Variants in MAGI1 observed in about 807,000 individuals in gnomAD.
The protein encoded by MAGI1 is membrane-associated guanylate kinase, WW and PDZ domain-containing protein 1.
Under a neutral mutation model 139.9 loss-of-function variants are expected in MAGI1, and 58 were observed. That is an observed-to-expected ratio of 0.41 (90% CI 0.34 to 0.52). MAGI1 has a LOEUF of 0.52. Among genes scored for constraint, MAGI1 ranks in the 20% least tolerant of loss-of-function variants. The pLI is 0.12. For missense variants in MAGI1, 1,874 were observed against 1,901.6 expected, an observed-to-expected ratio of 0.99 and a Z score of 0.27; for synonymous variants, 812 against 737.9, an observed-to-expected ratio of 1.10 and a Z score of -1.63.
chr3:65,446,690 T>C (rs1438910203), intron 7 of MAGI1, among the ~76,000 whole-genome samples: 1 of 152,234 alleles, frequency 6.6e-6, no homozygotes, highest in East Asian at 1.9e-4. Context: ...AACCTATTTC[T>C]GTCTCTTTCA....
At chr3:65,468,354 C>CA (rs1345081894) in intron 5 of MAGI1, among the ~76,000 whole-genome samples, 2 of 144,306 alleles carry the variant, frequency 1.4e-5, no homozygotes, top group Non-Finnish European at 3.0e-5. Context: ...GGTAGATTCT[C>CA]AAAGAGGGTA....
chr3:65,592,959 TG>T (rs532046248), intron 2 of MAGI1, among the ~76,000 whole-genome samples: 61 of 152,262 alleles, frequency 4.0e-4, no homozygotes, highest in Non-Finnish European at 6.5e-4. Flanking sequence ...TTTTATATTT[TG>T]TTGATGGGGC....
intron 1 of MAGI1, among the ~76,000 whole-genome samples, chr3:65,895,373 G>A (rs942723213): frequency 7.2e-5 from 11 of 152,172 alleles, no homozygotes; most frequent in Non-Finnish European, 1.0e-4. Flanking sequence ...CACAACATGT[G>A]AAATATACAG....
chr3:66,001,730 A>G (rs924206830), intron 1 of MAGI1, among the ~76,000 whole-genome samples: 4 of 152,202 alleles, frequency 2.6e-5, no homozygotes, highest in African/African-American at 9.6e-5. Context: ...CTTCCTGTCC[A>G]GTTCATAACA....
At chr3:65,656,599 G>C (rs994965769) in intron 1 of MAGI1, among the ~76,000 whole-genome samples, 4 of 152,104 alleles carry the variant, frequency 2.6e-5, no homozygotes, top group Non-Finnish European at 5.9e-5. Flanking sequence ...CTTACTCCGA[G>C]TGGGGGTGGG....
chr3:65,939,204 G>A (rs9835106), intron 1 of MAGI1, among the ~76,000 whole-genome samples: 5,395 of 152,166 alleles, frequency 0.035, 309 homozygotes, highest in African/African-American at 0.12. Flanking sequence ...TGTACATGAA[G>A]AGTCTTTCTA....
At chr3:65,718,672 A>G (rs183279630) in intron 1 of MAGI1, 3 of 152,262 alleles carry the variant, frequency 2.0e-5, no homozygotes, top group African/African-American at 7.2e-5. Context: ...TTATTACAGG[A>G]TTCACGTACA....
rs114907754 is a variant in MAGI1 at position 65,551,227 on chromosome 3, C to T, written c.431-57596G>A. ...TGACTTGTTAAGGTGCCTGCTTCCC[C>T]TTCTGCCGTGATTCTAAGTTTCCTG... is the stretch of plus-strand genomic sequence containing the variant. On this transcript the variant is annotated intron_variant, in intron 2 of 22. Coordinates refer to ENST00000402939, the MANE Select transcript of MAGI1 (RefSeq NM_001033057.2). Among the ~76,000 whole-genome samples, 825 of 152,324 alleles carry T rather than the reference C, an allele frequency of 5.4e-3. 2 individuals are homozygous for T. The highest frequency in any genetic ancestry group is 9.2e-3 in the Non-Finnish European group (624 of 68,036).
intron 1 of MAGI1, among the ~76,000 whole-genome samples, chr3:65,881,405 TCA>T (rs1159824148): frequency 6.6e-6 from 1 of 152,104 alleles, no homozygotes; most frequent in Non-Finnish European, 1.5e-5. Context: ...GGCAGGAGGA[TCA>T]CTCGAGGCCA....
chr3:65,897,438 G>T (rs1035193865), intron 1 of MAGI1, among the ~76,000 whole-genome samples: 2 of 151,774 alleles, frequency 1.3e-5, no homozygotes, highest in African/African-American at 2.4e-5. Flanking sequence ...TGGACACAGG[G>T]TGGGGAACAT....
chr3:65,926,683 C>T (rs2062540560), intron 1 of MAGI1, among the ~76,000 whole-genome samples: 1 of 152,074 alleles, frequency 6.6e-6, no homozygotes. Context: ...GCCATGGCAA[C>T]ATCAGAAAGC....
At chr3:65,850,830 G>C (rs2059175533) in intron 1 of MAGI1, among the ~76,000 whole-genome samples, 1 of 152,188 alleles carries the variant, frequency 6.6e-6, no homozygotes, top group Non-Finnish European at 1.5e-5. Flanking sequence ...CCTCAAGCAC[G>C]GCGTGGTGGC....
intron 1 of MAGI1, among the ~76,000 whole-genome samples, chr3:65,625,116 G>A (rs1051800315): frequency 3.9e-5 from 6 of 152,054 alleles, no homozygotes; most frequent in African/African-American, 1.4e-4. Context: ...CAAGTGATCT[G>A]CCCACCTCGG....
In MAGI1 at chr3:65,414,932, G is replaced by A. The variant is rs1385378697; in HGVS notation, c.2168-13462C>T. On this transcript the variant is annotated intron_variant, in intron 12 of 22. Transcript: ENST00000402939. ...CAATCCCAGCTACTCGGGAGGCTGA[G>A]GCAAGATAATCGCTTGAACCCGGGA... Among the ~76,000 whole-genome samples, 3 of 150,558 alleles carry A rather than the reference G, an allele frequency of 2.0e-5. No homozygotes were observed. The East Asian group carries it at 5.8e-4, about 29-fold the overall frequency.
chr3:65,733,636 A>C (rs1022203989), intron 1 of MAGI1, among the ~76,000 whole-genome samples: 2 of 152,220 alleles, frequency 1.3e-5, no homozygotes, highest in Admixed American at 6.5e-5. Flanking sequence ...CAGATGTAGC[A>C]GATGTGGTAA....
chr3:65,963,821 T>C (rs1219427585), intron 1 of MAGI1, among the ~76,000 whole-genome samples: 1 of 152,230 alleles, frequency 6.6e-6, no homozygotes, highest in Non-Finnish European at 1.5e-5. Context: ...ATACATTTAT[T>C]TATTTCAAGA....
intron 2 of MAGI1, among the ~76,000 whole-genome samples, chr3:65,574,208 G>C (rs57213374): frequency 6.7e-6 from 1 of 149,676 alleles, no homozygotes; most frequent in South Asian, 2.1e-4. Flanking sequence ...TTTAGGTTCC[G>C]GGATACATGT....
chr3:65,425,261 C>T (rs1224996863), intron 12 of MAGI1, among the ~76,000 whole-genome samples: 3 of 152,042 alleles, frequency 2.0e-5, no homozygotes, highest in Non-Finnish European at 2.9e-5. Flanking sequence ...ATGACTACTA[C>T]GTCAGGAATT....
intron 1 of MAGI1, among the ~76,000 whole-genome samples, chr3:65,868,437 C>T (rs1396194647): frequency 2.0e-5 from 3 of 152,260 alleles, no homozygotes; most frequent in African/African-American, 7.2e-5. Context: ...ATTCAAAATG[C>T]TGTTTGACTC....
Sources: gnomAD v4.1 joint callset for allele counts (sites outside exome capture counted in the v4.1 genomes callset) on GRCh38, gnomAD v4.1.1 for gene constraint, MANE v1.5 for transcripts, NCBI Gene and HGNC (gene_info 2026-07-23, HGNC 2026-07-21) for gene names.